The following TANGO6 variants were observed in gnomAD, a reference collection of about 807,000 sequenced individuals.
The protein encoded by TANGO6 is transport and Golgi organization protein 6 homolog.
In TANGO6, 90 loss-of-function variants were observed where a neutral mutation model predicts 114.2. The observed-to-expected ratio is 0.79, with a 90% confidence interval of 0.66 to 0.94. TANGO6 has a LOEUF of 0.94. Among genes scored for constraint, TANGO6 ranks in the 40% least tolerant of loss-of-function variants. TANGO6 has a pLI of 0.00. For synonymous variants in TANGO6, 477 were observed against 509.8 expected (o/e 0.94, Z 0.87); for missense variants, 1,274 against 1,315.3 (o/e 0.97, Z 0.49).
chr16:68,995,842 C>G (rs1418837788), intron 15 of TANGO6, among the ~76,000 whole-genome samples: 1 of 152,064 alleles, frequency 6.6e-6, no homozygotes, highest in African/African-American at 2.4e-5. Flanking sequence ...GCATTTTAGT[C>G]CTTTGTTTTA....
chr16:68,878,825 C>A (rs894449452), intron 6 of TANGO6, among the ~76,000 whole-genome samples: 3 of 151,952 alleles, frequency 2.0e-5, no homozygotes, highest in Non-Finnish European at 4.4e-5. Flanking sequence ...GTAATCTCAG[C>A]ACTTTGGGAG....
At chr16:68,851,629 C>T (rs903947126) in intron 1 of TANGO6, among the ~76,000 whole-genome samples, 5 of 152,118 alleles carry the variant, frequency 3.3e-5, no homozygotes, top group Non-Finnish European at 7.3e-5. Context: ...AATGAATAGT[C>T]TTGTAAATAC....
chr16:69,030,044 G>T (rs251101), intron 16 of TANGO6, among the ~76,000 whole-genome samples: 16 of 149,690 alleles, frequency 1.1e-4, no homozygotes, highest in African/African-American at 3.9e-4. Context: ...GCAGGCAGAG[G>T]TTGCAGTGAG....
At position 68,972,157 on chromosome 16, in the gene TANGO6, G is replaced by T. The variant is rs1963712655; in HGVS notation, c.2702-1871G>T. ...TCCTAAGATGGACTCTGGATTGGAG[G>T]TGTGGTTTAGGACCACATGCAGAGG... is the stretch of plus-strand genomic sequence containing the variant. On this transcript the variant is annotated intron_variant, in intron 14 of 17. Transcript: ENST00000261778. 2.0e-5 allele frequency among the ~76,000 whole-genome samples: 3 copies of T among 151,988 alleles called. No individual in the cohort carries two copies. In the South Asian group the frequency reaches 6.2e-4, roughly 32 times the overall value.
chr16:68,978,453 AG>A (rs1291434480), intron 15 of TANGO6, among the ~76,000 whole-genome samples: 4 of 152,180 alleles, frequency 2.6e-5, no homozygotes, highest in Admixed American at 6.5e-5. Context: ...TACTCTTCAG[AG>A]TGTCCAACTG....
chr16:69,000,402 G>T (rs1964029777), intron 15 of TANGO6, among the ~76,000 whole-genome samples: 1 of 152,026 alleles, frequency 6.6e-6, no homozygotes, highest in Non-Finnish European at 1.5e-5. Context: ...TTATAAAATA[G>T]AATCACTGGT....
chr16:68,986,093 A>G lies in TANGO6; in HGVS notation c.2842+11925A>G, dbSNP rs76814115. 4.3e-3 allele frequency among the ~76,000 whole-genome samples: 656 copies of G among 152,314 alleles called. 4 individuals are homozygous for G. Among genetic ancestry groups the G allele is most frequent in the African/African-American group, 0.015 (629 of 41,562 alleles). ...GCTGGTGGTGTCATCATGACGTACA[A>G]AGAACAGTACTTCTTAATTATTTTT... On this transcript the variant is annotated intron_variant, in intron 15 of 17. Coordinates refer to ENST00000261778, the MANE Select transcript of TANGO6 (RefSeq NM_024562.2).
In TANGO6 at chr16:68,867,140, G is replaced by A; in HGVS notation, c.914G>A (p.Cys305Tyr). 1 of 1,613,976 alleles carries A rather than the reference G, an allele frequency of 6.2e-7. No homozygotes were observed. Residue 305 changes from cysteine (C) to tyrosine (Y), a missense_variant, in exon 4 of 18, where the codon TGT becomes TAT. This residue lies in a region of TANGO6 where 908 missense variants were observed against 910.2 expected (regional missense o/e 1.00). Coordinates refer to ENST00000261778, the MANE Select transcript of TANGO6 (RefSeq NM_024562.2). ...CRAPAWLRRLCGQLLSERLMR... is the reference protein window; with the variant it reads ...CRAPAWLRRLYGQLLSERLMR... ...GCCCCAGCTTGGCTTCGGCGTCTATGTGGACAGCTGCTCTCTGAAAGGTTA... is the reference window on the plus strand; with the variant it reads ...GCCCCAGCTTGGCTTCGGCGTCTATATGGACAGCTGCTCTCTGAAAGGTTA...
rs950269225 is a variant in TANGO6 at position 68,919,294 on chromosome 16, C to T, written c.2127+75C>T. On this transcript the variant is annotated intron_variant, in intron 12 of 17. Transcript: ENST00000261778. The stretch of plus-strand genomic sequence containing the variant: ...AATACCAGTTGTTTTCCTTCCATAT[C>T]CTTGTGAGAAATAAGAATGGATATT... 19 of 1,534,430 alleles carry T rather than the reference C, an allele frequency of 1.2e-5. No individual in the cohort carries two copies. In the Admixed American group the frequency reaches 3.2e-4, roughly 26 times the overall value.
intron 15 of TANGO6, among the ~76,000 whole-genome samples, chr16:69,000,908 TAGTCAACTTGCTCCCACAC>T (rs1456893244): frequency 6.6e-6 from 1 of 152,154 alleles, no homozygotes; most frequent in African/African-American, 2.4e-5. Flanking sequence ...CTTTTAATTT[TAGTCAACTTGCTCCCACAC>T]AGTTCTTTAC....
intron 4 of TANGO6, 141 bp from the exon 5 acceptor site, chr16:68,875,013 G>C: frequency 4.2e-5 from 33 of 788,798 alleles, no homozygotes; most frequent in Non-Finnish European, 5.9e-5. Context: ...TAGAAGGGTA[G>C]ATTATCTTAT....
At chr16:69,019,547 T>C (rs1959365880) in intron 15 of TANGO6, among the ~76,000 whole-genome samples, 1 of 152,232 alleles carries the variant, frequency 6.6e-6, no homozygotes, top group Non-Finnish European at 1.5e-5. Flanking sequence ...TTCTTCGTCC[T>C]CTTCCTTCCA....
chr16:68,893,227 A>G (rs1419251253), intron 7 of TANGO6, among the ~76,000 whole-genome samples: 1 of 152,218 alleles, frequency 6.6e-6, no homozygotes. Context: ...TCAGAGAATC[A>G]TAGATGAGAT....
chr16:69,081,832 CTTT>C (rs1346630417), intron 17 of TANGO6, among the ~76,000 whole-genome samples: 1 of 138,794 alleles, frequency 7.2e-6, no homozygotes, highest in Non-Finnish European at 1.6e-5. Flanking sequence ...TAGTAGCAGA[CTTT>C]TTTTTTTTTT....
chr16:68,865,753 CAAA>C (rs367608096), intron 3 of TANGO6, among the ~76,000 whole-genome samples: 2 of 115,056 alleles, frequency 1.7e-5, no homozygotes, highest in Non-Finnish European at 1.9e-5. Flanking sequence ...ACTAAAAATA[CAAA>C]AAAAAAAAAA....
intron 6 of TANGO6, among the ~76,000 whole-genome samples, chr16:68,879,084 A>G (rs1182271380): frequency 2.0e-5 from 3 of 152,244 alleles, no homozygotes; most frequent in Non-Finnish European, 1.5e-5. Context: ...TCAAAATAAT[A>G]ATAATAATAT....
intron 5 of TANGO6, 149 bp from the exon 6 acceptor site, chr16:68,877,969 T>C (rs917484375): frequency 1.2e-5 from 8 of 659,466 alleles, no homozygotes; most frequent in African/African-American, 1.9e-5. Context: ...CCTTTGATAC[T>C]GGGTATGTTA....
chr16:68,977,960 A>G (rs1963781550), intron 15 of TANGO6, among the ~76,000 whole-genome samples: 1 of 152,142 alleles, frequency 6.6e-6, no homozygotes, highest in Admixed American at 6.5e-5. Flanking sequence ...TGCTTGAATT[A>G]CAGGTGTGAG....
chr16:68,907,701 GAGGACATAA>G, intron 10 of TANGO6, 126 bp downstream of exon 10: 1 of 1,173,548 alleles, frequency 8.5e-7, no homozygotes, highest in Non-Finnish European at 1.2e-6. Context: ...AAAATGGTCA[GAGGACATAA>G]AGGAATTTAT....
Sources: allele counts gnomAD v4.1 joint callset (sites outside exome capture counted in the v4.1 genomes callset), GRCh38; gene constraint gnomAD v4.1.1; regional missense constraint gnomAD v4.1.1; transcripts MANE v1.5; gene names NCBI Gene and HGNC (gene_info 2026-07-23, HGNC 2026-07-21).